The following MAD1L1 variants were observed in gnomAD, a reference collection of about 807,000 sequenced individuals.
The protein encoded by MAD1L1 is mitotic arrest deficient 1 like 1, also known as mitotic spindle assembly checkpoint protein MAD1.
MAD1L1 carries 95 observed loss-of-function variants against 96.9 expected under a neutral mutation model. The ratio of observed to expected loss-of-function variants is 0.98; its 90% CI spans 0.83 to 1.16. MAD1L1 has a LOEUF of 1.16. MAD1L1 is among the 50% of genes most tolerant of loss of function. MAD1L1 has a pLI of 0.00. For missense variants in MAD1L1, 1,007 were observed against 954.4 expected (o/e 1.06, Z -0.73); for synonymous variants, 473 against 396.6 (o/e 1.19, Z -2.29).
At chr7:2,078,611 G>A (rs572802946) in intron 11 of MAD1L1, among the ~76,000 whole-genome samples, 18 of 152,338 alleles carry the variant, frequency 1.2e-4, no homozygotes, top group Admixed American at 2.0e-4. Flanking sequence ...CTCGGAGGCC[G>A]AGCCTCCTGA....
intron 1 of MAD1L1, among the ~76,000 whole-genome samples, chr7:2,230,966 T>C (rs1208975275): frequency 6.6e-6 from 1 of 152,182 alleles, no homozygotes; most frequent in East Asian, 1.9e-4. Context: ...TAGGAATTCC[T>C]GAATCCAGTC....
At chr7:1,864,342 C>G (rs925460428) in intron 18 of MAD1L1, among the ~76,000 whole-genome samples, 2 of 152,212 alleles carry the variant, frequency 1.3e-5, no homozygotes, top group African/African-American at 4.8e-5. Context: ...GGGCCCCTTT[C>G]CTGGACGGGA....
Position 2,222,677 on chromosome 7 carries a change from C to G in MAD1L1, c.369G>C (p.Lys123Asn). The G allele has an allele frequency of 6.2e-7, 1 of 1,612,954 alleles. No homozygotes were observed. The highest frequency in any genetic ancestry group is 2.2e-5 in the East Asian group (1 of 44,858). The change falls in exon 5 of 19, where the codon AAG becomes AAC. Residue 123 changes from lysine (K) to asparagine (N), a missense_variant. Physicochemically the swap from Lys to Asn is moderately conservative, Grantham distance 94. Transcript: ENST00000265854. ...TGTTGCGCTCCAGCTGCTCCTGCAT[C>G]TTCTCCTCCGCCCCGGCCTCCCGCT... is the stretch of plus-strand genomic sequence containing the variant. ...LQEREAGAEE[K>N]MQEQLERNRQ...
intron 18 of MAD1L1, among the ~76,000 whole-genome samples, chr7:1,896,420 A>C (rs1001652279): frequency 9.8e-5 from 15 of 152,314 alleles, no homozygotes; most frequent in African/African-American, 3.6e-4. Flanking sequence ...GGTGTCCAGC[A>C]AACCTGAGGA....
At chr7:1,886,834 C>T (rs1188158651) in intron 18 of MAD1L1, among the ~76,000 whole-genome samples, 1 of 152,258 alleles carries the variant, frequency 6.6e-6, no homozygotes, top group Non-Finnish European at 1.5e-5. Flanking sequence ...AGGTCTGTGG[C>T]CCTAGCCCTG....
chr7:1,941,152 G>C (rs1365887950), intron 16 of MAD1L1, among the ~76,000 whole-genome samples: 1 of 152,228 alleles, frequency 6.6e-6, no homozygotes, highest in Non-Finnish European at 1.5e-5. Context: ...TGCAGGAGGG[G>C]TCGGGGGTCA....
chr7:2,226,643 G>A (rs577441044), intron 3 of MAD1L1, among the ~76,000 whole-genome samples: 215 of 152,208 alleles, frequency 1.4e-3, no homozygotes, highest in African/African-American at 4.8e-3. Context: ...AGCATCTCCC[G>A]GCACTTAACA....
At chr7:1,899,783 C>T (rs189387375) in intron 17 of MAD1L1, among the ~76,000 whole-genome samples, 15 of 152,214 alleles carry the variant, frequency 9.9e-5, no homozygotes, top group African/African-American at 3.1e-4. Context: ...CACAGCGGCC[C>T]GAAGAGGCTC....
At chr7:2,134,631 G>A (rs981664535) in intron 11 of MAD1L1, among the ~76,000 whole-genome samples, 2 of 152,210 alleles carry the variant, frequency 1.3e-5, no homozygotes, top group African/African-American at 4.8e-5. Flanking sequence ...GCTTCTCTAT[G>A]ACAACAAAAA....
At chr7:2,066,258 G>A (rs1230203452) in intron 12 of MAD1L1, among the ~76,000 whole-genome samples, 2 of 152,174 alleles carry the variant, frequency 1.3e-5, no homozygotes, top group African/African-American at 4.8e-5. Flanking sequence ...GGCGCTCCTC[G>A]ACCACCCCAG....
intron 11 of MAD1L1, among the ~76,000 whole-genome samples, chr7:2,139,672 T>A (rs1424882560): frequency 6.6e-6 from 1 of 151,908 alleles, no homozygotes; most frequent in African/African-American, 2.4e-5. Flanking sequence ...CACCCGCCAC[T>A]CTCCTTCAAG....
chr7:1,880,787 T>G (rs1250793727), intron 18 of MAD1L1, among the ~76,000 whole-genome samples: 4 of 152,160 alleles, frequency 2.6e-5, no homozygotes, highest in Non-Finnish European at 1.5e-5. Flanking sequence ...GGCAGGGATC[T>G]CACTGCTGAT....
chr7:1,866,350 T>A (rs1583595421), intron 18 of MAD1L1, among the ~76,000 whole-genome samples: 1 of 152,024 alleles, frequency 6.6e-6, no homozygotes, highest in African/African-American at 2.4e-5. Context: ...AAGACAAGGG[T>A]GGAGCCTTGC....
At chr7:1,881,832 G>A (rs886428263) in intron 18 of MAD1L1, among the ~76,000 whole-genome samples, 3 of 152,188 alleles carry the variant, frequency 2.0e-5, no homozygotes, top group Non-Finnish European at 4.4e-5. Context: ...GACGGGTGAT[G>A]AGCCACTGGC....
chr7:2,022,728 C>T (rs10241904), intron 12 of MAD1L1, among the ~76,000 whole-genome samples: 37 of 152,054 alleles, frequency 2.4e-4, no homozygotes, highest in African/African-American at 8.2e-4. Context: ...ACGATCATTT[C>T]GAATGTGAAT....
intron 18 of MAD1L1, chr7:1,874,427 G>T (rs2128659105): frequency 2.3e-6 from 1 of 433,348 alleles, no homozygotes; most frequent in Non-Finnish European, 4.6e-6. Context: ...GTGACATCGA[G>T]GGTAGCACCC....
At chr7:2,021,591 C>T (rs1281416206) in intron 12 of MAD1L1, among the ~76,000 whole-genome samples, 2 of 149,248 alleles carry the variant, frequency 1.3e-5, no homozygotes, top group Admixed American at 1.3e-4. Context: ...GCGGCGAAAC[C>T]TCGTCTCTAC....
intron 17 of MAD1L1, among the ~76,000 whole-genome samples, chr7:1,923,032 G>A (rs1053978101): frequency 2.0e-5 from 3 of 152,222 alleles, no homozygotes; most frequent in Non-Finnish European, 4.4e-5. Flanking sequence ...GCTTCACAGA[G>A]TGAGTTGGGA....
chr7:1,846,181 C>T (rs1463479763), intron 18 of MAD1L1: 1 of 152,620 alleles, frequency 6.6e-6, no homozygotes, highest in African/African-American at 2.4e-5. Flanking sequence ...CAGGGCCAGT[C>T]TCCCCCTGCT....
Sources: gnomAD v4.1 joint callset for allele counts (sites outside exome capture counted in the v4.1 genomes callset) on GRCh38, gnomAD v4.1.1 for gene constraint, MANE v1.5 for transcripts, NCBI Gene and HGNC (gene_info 2026-07-23, HGNC 2026-07-21) for gene names.